CFAP54: variants seen among roughly 807,000 people sequenced by gnomAD.
CFAP54 encodes the protein cilia- and flagella-associated protein 54.
In CFAP54, 290 loss-of-function variants were observed where a neutral mutation model predicts 370.4. The observed-to-expected ratio is 0.78, with a 90% CI of 0.71 to 0.86. The LOEUF (loss-of-function observed/expected upper bound fraction) is 0.86, where lower values mean the gene tolerates loss of function less well. Ranked by LOEUF, CFAP54 falls within the 40% of genes least tolerant of loss-of-function variation. CFAP54 has a pLI of 0.00. For synonymous variants in CFAP54, 1,206 were observed against 1,236.5 expected (o/e 0.98, Z 0.52); for missense variants, 3,399 against 3,528.7 (o/e 0.96, Z 0.93).
At chr12:96,784,600 C>T in intron 60 of CFAP54, 117 bp from the exon 61 acceptor site, 1 of 713,960 alleles carries the variant, frequency 1.4e-6, no homozygotes, top group Non-Finnish European at 2.1e-6. Flanking sequence ...TTAAATTGAA[C>T]ATAGTATCAT....
At chr12:96,570,194 G>C (rs564677451) in intron 19 of CFAP54, among the ~76,000 whole-genome samples, 1 of 151,946 alleles carries the variant, frequency 6.6e-6, no homozygotes, top group South Asian at 2.1e-4. Context: ...GCATGGTCTC[G>C]AAATCCTGGG....
intron 50 of CFAP54, among the ~76,000 whole-genome samples, chr12:96,730,456 T>C (rs1286759225): frequency 2.0e-5 from 3 of 151,588 alleles, no homozygotes; most frequent in South Asian, 4.2e-4. Context: ...TGTTCAAAGA[T>C]AGGAAGGATA....
intron 45 of CFAP54, among the ~76,000 whole-genome samples, chr12:96,695,874 A>G (rs940059484): frequency 4.6e-5 from 7 of 152,206 alleles, no homozygotes; most frequent in Non-Finnish European, 1.0e-4. Context: ...CTCCAGTCAA[A>G]GAAATGTAAC....
intron 5 of CFAP54, among the ~76,000 whole-genome samples, chr12:96,513,824 C>T (rs1434717864): frequency 6.6e-6 from 1 of 152,104 alleles, no homozygotes; most frequent in African/African-American, 2.4e-5. Flanking sequence ...TGTCATGATA[C>T]GGAGCTTGGA....
chr12:96,827,768 T>A (rs1190529528), intron 65 of CFAP54, among the ~76,000 whole-genome samples: 1 of 59,434 alleles, frequency 1.7e-5, no homozygotes, highest in Non-Finnish European at 3.3e-5. Context: ...ACATATTATA[T>A]TATATATAGT....
rs1957314277 is a variant in CFAP54 at position 96,685,232 on chromosome 12, T to C, written c.6008T>C (p.Ile2003Thr). The part of the protein sequence containing the change: ...CLQGAVISAK[I>T]AQFIKSLNVE... ...CAAGGAGCAGTCATATCAGCAAAGA[T>C]AGCACAGTGAGTGTGAGGATGGAAG... The change falls in exon 42 of 68, where the codon ATA (isoleucine) becomes ACA (threonine). Residue 2003 changes from isoleucine to threonine, a missense_variant. Physicochemically the swap from Ile to Thr is moderately conservative, Grantham distance 89. This residue lies in a region of CFAP54 where 2,796 missense variants were observed against 2,869.7 expected (regional missense o/e 0.97). Coordinates refer to ENST00000524981, the MANE Select transcript of CFAP54 (RefSeq NM_001306084.2). 2.5e-6 allele frequency: 4 copies of C among 1,613,828 alleles called. No homozygotes were observed. The highest frequency in any genetic ancestry group is 3.4e-6 in the Non-Finnish European group (4 of 1,179,794).
At chr12:96,743,046 T>C (rs1958069841) in intron 52 of CFAP54, among the ~76,000 whole-genome samples, 1 of 152,186 alleles carries the variant, frequency 6.6e-6, no homozygotes, top group Non-Finnish European at 1.5e-5. Flanking sequence ...ATTAAATGGG[T>C]TAAATTTATA....
At chr12:96,653,963 A>G (rs1005009805) in intron 36 of CFAP54, among the ~76,000 whole-genome samples, 2 of 152,170 alleles carry the variant, frequency 1.3e-5, no homozygotes, top group Non-Finnish European at 2.9e-5. Flanking sequence ...AAAAGGAAAT[A>G]TGATCAATTT....
At chr12:96,812,570 C>G (rs1252775032) in intron 64 of CFAP54, among the ~76,000 whole-genome samples, 1 of 152,194 alleles carries the variant, frequency 6.6e-6, no homozygotes, top group Non-Finnish European at 1.5e-5. Flanking sequence ...CTCTGCCTGC[C>G]TTTCAGGGTT....
At chr12:96,826,999 A>ATATAATATGAAATTATATG (rs1565993944) in intron 65 of CFAP54, among the ~76,000 whole-genome samples, 34 of 132,554 alleles carry the variant, frequency 2.6e-4, no homozygotes, top group African/African-American at 8.6e-4. Flanking sequence ...GCAATTATAT[A>ATATAATATGAAATTATATG]TGATTAATTA....
chr12:96,504,995 T>TC (rs1955079477), intron 3 of CFAP54, among the ~76,000 whole-genome samples: 1 of 102,046 alleles, frequency 9.8e-6, no homozygotes, highest in Non-Finnish European at 2.1e-5. Context: ...CTTCTTTCTT[T>TC]TTCTTTCTTT....
chr12:96,651,126 A>C (rs568242415), intron 35 of CFAP54, among the ~76,000 whole-genome samples: 1 of 152,332 alleles, frequency 6.6e-6, no homozygotes, highest in South Asian at 2.1e-4. Flanking sequence ...TGTCTAAAGC[A>C]ACCTGTCCTG....
chr12:96,626,803 G>C lies in CFAP54; in HGVS notation c.3977-10G>C. The C allele has an allele frequency of 1.5e-6, 2 of 1,311,490 alleles. No homozygotes were observed. Among genetic ancestry groups the C allele is most frequent in the Non-Finnish European group, 2.0e-6 (2 of 997,972 alleles). The allele number at this position is 1,311,490 out of a possible 1,614,324, so 81.2% of individuals were successfully genotyped here. A position where few individuals can be genotyped will look rare whatever the true frequency, so the allele number is the denominator to read the frequency against. On this transcript the variant is annotated splice_polypyrimidine_tract_variant and intron_variant, in intron 29 of 67. Transcript: ENST00000524981. ...TTGTTAACTATATATGAACTTCCTT[G>C]TTATTACAGTTATGAAATTTAAGCA...
chr12:96,687,813 G>C (rs1039360671), intron 42 of CFAP54, among the ~76,000 whole-genome samples: 1 of 152,192 alleles, frequency 6.6e-6, no homozygotes, highest in Non-Finnish European at 1.5e-5. Flanking sequence ...GAATGGAAAA[G>C]CCAAGGAAAG....
At position 96,829,006 on chromosome 12, in the gene CFAP54, A is replaced by T. The variant is rs1340543259; in HGVS notation, c.9097-8A>T. The T allele has an allele frequency of 1.4e-6, 2 of 1,459,956 alleles. No homozygotes were observed. The highest frequency in any genetic ancestry group is 1.2e-5 in the South Asian group (1 of 80,552). 90.4% of individuals were successfully genotyped at this position (1,459,956 alleles called of 1,614,324 possible). A position where few individuals can be genotyped will look rare whatever the true frequency, so the allele number is the denominator to read the frequency against. ...AACCTCACTGTATTACTATCTTCTT[A>T]TTTCTAGGACATGATTATTCAATGT... is the stretch of plus-strand genomic sequence containing the variant. On this transcript the variant is annotated splice_region_variant and splice_polypyrimidine_tract_variant and intron_variant, in intron 65 of 67. Coordinates refer to ENST00000524981, the MANE Select transcript of CFAP54 (RefSeq NM_001306084.2).
At chr12:96,527,570 T>G (rs1346266952) in intron 9 of CFAP54, 126 bp downstream of exon 9, 43 of 608,654 alleles carry the variant, frequency 7.1e-5, no homozygotes, top group Non-Finnish European at 1.1e-4. Flanking sequence ...TTTGTTTGGT[T>G]GTTTGTTTGT....
chr12:96,629,234 G>A (rs927294927), intron 30 of CFAP54, among the ~76,000 whole-genome samples: 1 of 152,050 alleles, frequency 6.6e-6, no homozygotes, highest in African/African-American at 2.4e-5. Context: ...CCTATAGAAA[G>A]CCCTATGGGA....
chr12:96,606,802 T>G (rs1431256268), intron 26 of CFAP54, among the ~76,000 whole-genome samples: 2 of 152,132 alleles, frequency 1.3e-5, no homozygotes, highest in African/African-American at 4.8e-5. Flanking sequence ...GAGGTCAGCT[T>G]GTTTGTTCTC....
At chr12:96,594,552 C>A in intron 25 of CFAP54, 106 bp downstream of exon 25, 1 of 762,188 alleles carries the variant, frequency 1.3e-6, no homozygotes, top group Non-Finnish European at 1.9e-6. Context: ...GCAAATAGGT[C>A]AGGAATCAGT....
Sources: gnomAD v4.1 joint callset for allele counts (sites outside exome capture counted in the v4.1 genomes callset) on GRCh38, gnomAD v4.1.1 for gene constraint, gnomAD v4.1.1 regional missense constraint, MANE v1.5 for transcripts, NCBI Gene and HGNC (gene_info 2026-07-23, HGNC 2026-07-21) for gene names.